The following LRP5 variants were observed in gnomAD, a reference collection of about 807,000 sequenced individuals.
The protein encoded by LRP5 is LDL receptor related protein 5, also known as low-density lipoprotein receptor-related protein 5.
In LRP5, 62 loss-of-function variants were observed where a neutral mutation model predicts 154.1. The observed-to-expected ratio is 0.40, with a 90% CI of 0.33 to 0.50. LRP5 has a LOEUF of 0.50. LRP5 is among the 20% of genes least tolerant of loss of function. The probability of loss-of-function intolerance (pLI) is 0.55; values close to 1 mark genes in which losing one functional copy is unlikely to be tolerated. For missense variants in LRP5, 1,915 were observed against 2,336.7 expected (o/e 0.82, Z 3.72); for synonymous variants, 966 against 1,011.5 (o/e 0.96, Z 0.85).
chr11:68,365,751 G>A (rs1277268461), intron 5 of LRP5, 49 bp downstream of exon 5: 11 of 1,453,250 alleles, frequency 7.6e-6, no homozygotes, highest in African/African-American at 4.2e-5. Context: ...GGGGCCTGGC[G>A]GGAATGGGTT....
chr11:68,350,472 G>A (rs58001317), intron 2 of LRP5, among the ~76,000 whole-genome samples: 1 of 152,246 alleles, frequency 6.6e-6, no homozygotes, highest in Non-Finnish European at 1.5e-5. Context: ...CTGTGGGACA[G>A]TGTCCAAGCT....
intron 17 of LRP5, among the ~76,000 whole-genome samples, chr11:68,432,826 G>A (rs1213438475): frequency 6.6e-6 from 1 of 152,204 alleles, no homozygotes; most frequent in African/African-American, 2.4e-5. Context: ...CCAGCCCATG[G>A]GACTCTGCTA....
chr11:68,308,442 C>G (rs551895322), upstream of LRP5, among the ~76,000 whole-genome samples: 3 of 152,292 alleles, frequency 2.0e-5, no homozygotes. Context: ...GGACTTGCAT[C>G]TAAGGAACGA....
rs548687098 is a variant in LRP5 at position 68,339,091 on chromosome 11, C to T, written c.92-8756C>T. On this transcript the variant is annotated intron_variant, in intron 1 of 22. Transcript: ENST00000294304. ...GTTTCACCGTGTTGCCCAGGCTGCT[C>T]TCAAACTCCTGACCTCAGATGATCT... Among the ~76,000 whole-genome samples, 160 of 151,738 alleles carry T rather than the reference C, an allele frequency of 1.1e-3. 1 individual carries two copies. The highest frequency in any genetic ancestry group is 3.8e-3 in the African/African-American group (156 of 41,344).
intron 17 of LRP5, among the ~76,000 whole-genome samples, chr11:68,430,520 G>A (rs1050388444): frequency 2.0e-5 from 3 of 152,188 alleles, no homozygotes; most frequent in Non-Finnish European, 4.4e-5. Flanking sequence ...CTTGGTGAAT[G>A]TTCTGTGTAC....
chr11:68,386,377 GCCGGACTTCA>G lies in LRP5; in HGVS notation c.1081_1090del (p.Asp361ThrfsTer20). 6.2e-7 allele frequency: 1 copy of G among 1,613,620 alleles called. No homozygotes were observed. The highest frequency in any genetic ancestry group is 8.5e-7 in the Non-Finnish European group (1 of 1,180,008). On this transcript the variant is annotated frameshift_variant, in exon 6 of 23. Coordinates refer to ENST00000294304, the MANE Select transcript of LRP5 (RefSeq NM_002335.4). LOFTEE classifies it high-confidence loss of function. The surrounding 1 kb of genome is among the most constrained non-coding windows in gnomAD (Gnocchi z 7.9). ...ACCTACGGAGGATCTCGCTGGACAC[GCCGGACTTCA>G]CCGACATCGTGCTGCAGGTGGACGA...
chr11:68,447,189 G>A lies in LRP5; in HGVS notation c.4586+656G>A, dbSNP rs1177138595. 6.4e-6 allele frequency: 1 copy of A among 156,464 alleles called. No homozygotes were observed. The highest frequency in any genetic ancestry group is 6.2e-5 in the Admixed American group (1 of 16,216). 9.7% of individuals were successfully genotyped at this position (156,464 alleles called of 1,614,324 possible). On this transcript the variant is annotated intron_variant, in intron 22 of 22. Transcript: ENST00000294304. The surrounding 1 kb of genome is among the most constrained non-coding windows in gnomAD (Gnocchi z 4.3). The stretch of plus-strand genomic sequence containing the variant: ...TGGTCTCCGCAGGGGCTGGATCAGA[G>A]CCTGGGATGGGCAGGGTGAGCCTCC...
At chr11:68,416,148 G>A (rs148447095) in intron 12 of LRP5, among the ~76,000 whole-genome samples, 180 bp from the exon 13 acceptor site, 7 of 152,008 alleles carry the variant, frequency 4.6e-5, no homozygotes, top group African/African-American at 7.2e-5. Flanking sequence ...CATATGACAC[G>A]GAGAATGAAA....
chr11:68,329,385 T>C (rs2098601483), intron 1 of LRP5, among the ~76,000 whole-genome samples: 1 of 152,198 alleles, frequency 6.6e-6, no homozygotes, highest in Non-Finnish European at 1.5e-5. Context: ...AAACTGAGGC[T>C]GGGAGAGGTC....
chr11:68,374,812 G>A (rs2098636440), intron 5 of LRP5, among the ~76,000 whole-genome samples: 1 of 152,202 alleles, frequency 6.6e-6, no homozygotes, highest in Non-Finnish European at 1.5e-5. Flanking sequence ...CACTGTCAGG[G>A]CTGATGCAAG....
intron 1 of LRP5, among the ~76,000 whole-genome samples, chr11:68,317,945 G>A (rs1245352464): frequency 6.6e-6 from 1 of 152,100 alleles, no homozygotes; most frequent in African/African-American, 2.4e-5. Context: ...CTGGGGGTGC[G>A]GGGATTGTGT....
chr11:68,310,986 C>T (rs1565307529), upstream of LRP5, among the ~76,000 whole-genome samples: 1 of 152,010 alleles, frequency 6.6e-6, no homozygotes, highest in East Asian at 1.9e-4. Context: ...TGGCAGCCCT[C>T]ACGAGCCCTG....
At position 68,413,815 on chromosome 11, in the gene LRP5, G is replaced by A. The variant is rs770267716; in HGVS notation, c.2630G>A (p.Arg877Gln). 9 of 1,613,546 alleles carry A rather than the reference G, an allele frequency of 5.6e-6. No homozygotes were observed. The highest frequency in any genetic ancestry group is 4.5e-5 in the East Asian group (2 of 44,894). The stretch of plus-strand genomic sequence containing the variant: ...GAGCGGGCCGACAAGACTAGCGGCC[G>A]GAACCGCACCCTCATCCAGGGCCAC... ...SIERADKTSG[R>Q]NRTLIQGHLD... Residue 877 changes from arginine (R) to glutamine (Q), a missense_variant, in exon 12 of 23, where the codon CGG (arginine) becomes CAG (glutamine). Arg to Gln is a conservative substitution (Grantham distance 43, BLOSUM62 1). Transcript: ENST00000294304. This position sits in a 1 kb window ranked among gnomAD's most constrained non-coding sequence, Gnocchi z 5.1.
chr11:68,320,098 C>T (rs775195591), intron 1 of LRP5, among the ~76,000 whole-genome samples: 4 of 152,164 alleles, frequency 2.6e-5, no homozygotes, highest in Non-Finnish European at 5.9e-5. Flanking sequence ...GAGGTCAAGG[C>T]TGCAGTAAGC....
At chr11:68,410,457 A>G (rs1050914462) in intron 10 of LRP5, among the ~76,000 whole-genome samples, 1 of 152,146 alleles carries the variant, frequency 6.6e-6, no homozygotes, top group African/African-American at 2.4e-5. Flanking sequence ...GCTCAGAGAA[A>G]CCGAGTGACT....
At chr11:68,397,406 G>A (rs1328373462) in intron 7 of LRP5, among the ~76,000 whole-genome samples, 8 of 152,178 alleles carry the variant, frequency 5.3e-5, no homozygotes, top group Admixed American at 5.2e-4. Flanking sequence ...TCATGCTGGA[G>A]GGACAGCCCA....
At chr11:68,308,461 T>G (rs77044324), upstream of LRP5, among the ~76,000 whole-genome samples, 6 of 152,144 alleles carry the variant, frequency 3.9e-5, no homozygotes, top group East Asian at 1.2e-3. Context: ...GAACTGAGAG[T>G]GAACATTTCC....
intron 5 of LRP5, among the ~76,000 whole-genome samples, chr11:68,382,263 A>G (rs2098640643): frequency 6.6e-6 from 1 of 152,198 alleles, no homozygotes; most frequent in Non-Finnish European, 1.5e-5. Context: ...TGGTGGGACT[A>G]GAGGCCCTCT....
At chr11:68,445,782 C>A in intron 21 of LRP5, 2 of 695,268 alleles carry the variant, frequency 2.9e-6, no homozygotes, top group Non-Finnish European at 4.4e-6. Flanking sequence ...GGGGCACGTT[C>A]ACGTGGTGAA....
Sources: allele counts gnomAD v4.1 joint callset (sites outside exome capture counted in the v4.1 genomes callset), GRCh38; gene constraint gnomAD v4.1.1; non-coding constraint Gnocchi (gnomAD v3.1); transcripts MANE v1.5; gene names NCBI Gene and HGNC (gene_info 2026-07-23, HGNC 2026-07-21).